The following C1QTNF7 variants were observed in gnomAD, a reference collection of about 807,000 sequenced individuals.
C1QTNF7 encodes the protein complement C1q tumor necrosis factor-related protein 7.
C1QTNF7 carries 15 observed loss-of-function variants against 19.6 expected under a neutral mutation model. That is an observed-to-expected ratio of 0.76 (90% CI 0.51 to 1.18). The LOEUF is 1.18. Ranked by LOEUF, C1QTNF7 falls within the 50% of genes most tolerant of loss-of-function variation. The probability of loss-of-function intolerance (pLI) is 0.00; values close to 1 mark genes in which losing one functional copy is unlikely to be tolerated. For missense variants in C1QTNF7, 324 were observed against 359.7 expected (o/e 0.90, Z 0.80); for synonymous variants, 142 against 137.5 (o/e 1.03, Z -0.23).
chr4:15,424,462 G>T (rs1236531191), upstream of C1QTNF7, among the ~76,000 whole-genome samples: 1 of 152,188 alleles, frequency 6.6e-6, no homozygotes, highest in Non-Finnish European at 1.5e-5. Flanking sequence ...GGGTGAAGGT[G>T]TTCCTTGGTT....
At chr4:15,369,751 C>A (rs1717654982) in intron 1 of C1QTNF7, among the ~76,000 whole-genome samples, 1 of 152,074 alleles carries the variant, frequency 6.6e-6, no homozygotes, top group African/African-American at 2.4e-5. Context: ...GAAAGAAGGC[C>A]TGTGAAGTTG....
In C1QTNF7 at chr4:15,435,806, T is replaced by C. The variant is rs1177076517; in HGVS notation, c.63T>C (p.Asn21=). The C allele has an allele frequency of 6.2e-7, 1 of 1,614,070 alleles. No homozygotes were observed. Among genetic ancestry groups the C allele is most frequent in the Non-Finnish European group, 8.5e-7 (1 of 1,180,016 alleles). Residue 21 remains asparagine, a synonymous_variant, in exon 2 of 3, where the codon AAT becomes AAC. Transcript: ENST00000444304. The part of the protein sequence containing the change: ...AICASGQPRG[N]QLKGENYSPR... ...GTGCCAGTGGACAACCCCGGGGTAA[T>C]CAGTTGAAAGGAGAGAACTACTCCC...
At chr4:15,359,672 G>A (rs886948022) in intron 1 of C1QTNF7, among the ~76,000 whole-genome samples, 2 of 152,122 alleles carry the variant, frequency 1.3e-5, no homozygotes, top group East Asian at 3.9e-4. Flanking sequence ...AGGACTACGA[G>A]ATCTTTAAAA....
At chr4:15,431,285 T>C (rs1712296035) in intron 1 of C1QTNF7, among the ~76,000 whole-genome samples, 1 of 152,130 alleles carries the variant, frequency 6.6e-6, no homozygotes, top group Admixed American at 6.6e-5. Flanking sequence ...AATACTCATA[T>C]GGAAACTAAG....
chr4:15,361,687 G>T (rs1444160524), intron 1 of C1QTNF7, among the ~76,000 whole-genome samples: 1 of 152,042 alleles, frequency 6.6e-6, no homozygotes, highest in African/African-American at 2.4e-5. Context: ...GTCTACTCTG[G>T]TTTCTTTCAT....
intron 1 of C1QTNF7, among the ~76,000 whole-genome samples, chr4:15,357,076 G>A (rs1717172596): frequency 6.7e-6 from 1 of 149,034 alleles, no homozygotes; most frequent in Non-Finnish European, 1.5e-5. Flanking sequence ...AGTTTCTTTT[G>A]CTGTGCAGAA....
At chr4:15,389,023 G>A (rs1718453873) in intron 1 of C1QTNF7, among the ~76,000 whole-genome samples, 2 of 152,208 alleles carry the variant, frequency 1.3e-5, no homozygotes, top group South Asian at 2.1e-4. Context: ...TGGGGTGCAG[G>A]AGAGGAGGTG....
intron 1 of C1QTNF7, chr4:15,340,236 C>T: frequency 6.4e-7 from 1 of 1,550,912 alleles, no homozygotes; most frequent in Non-Finnish European, 8.7e-7. Flanking sequence ...TGCAGTTTTT[C>T]TCTTTTTCCC....
intron 1 of C1QTNF7, among the ~76,000 whole-genome samples, chr4:15,398,390 T>A (rs140997858): frequency 1.3e-5 from 2 of 151,812 alleles, no homozygotes; most frequent in East Asian, 1.9e-4. Flanking sequence ...GCCCCATTGA[T>A]GTCCAAGTCC....
chr4:15,375,490 C>G (rs1362619584), intron 1 of C1QTNF7, among the ~76,000 whole-genome samples: 2 of 152,174 alleles, frequency 1.3e-5, no homozygotes, highest in Non-Finnish European at 2.9e-5. Flanking sequence ...ATAAATGATG[C>G]ATTGTACTGG....
chr4:15,424,809 T>G (rs1302272668), upstream of C1QTNF7, among the ~76,000 whole-genome samples: 1 of 152,164 alleles, frequency 6.6e-6, no homozygotes, highest in Non-Finnish European at 1.5e-5. Context: ...TTTTAACAAG[T>G]TCTAAGTCGA....
At chr4:15,394,863 G>A (rs1038235729) in intron 1 of C1QTNF7, among the ~76,000 whole-genome samples, 1 of 152,014 alleles carries the variant, frequency 6.6e-6, no homozygotes, top group Non-Finnish European at 1.5e-5. Context: ...CGGCACCCAA[G>A]GGGATTCTCA....
intron 1 of C1QTNF7, among the ~76,000 whole-genome samples, chr4:15,432,256 C>G (rs1341794405): frequency 6.6e-6 from 1 of 152,162 alleles, no homozygotes; most frequent in Non-Finnish European, 1.5e-5. Flanking sequence ...AATGAAGAAC[C>G]AAACAGCGTG....
intron 1 of C1QTNF7, among the ~76,000 whole-genome samples, chr4:15,375,770 G>T (rs745722717): frequency 6.6e-6 from 1 of 152,124 alleles, no homozygotes; most frequent in Non-Finnish European, 1.5e-5. Context: ...CACACCCTCA[G>T]CCTGGGTTGT....
In C1QTNF7 at chr4:15,442,982, C is replaced by T; in HGVS notation, c.*183C>T. 1 of 525,378 alleles carries T rather than the reference C, an allele frequency of 1.9e-6. No individual in the cohort carries two copies. The highest frequency in any genetic ancestry group is 3.2e-6 in the Non-Finnish European group (1 of 316,340). 32.5% of individuals were successfully genotyped at this position (525,378 alleles called of 1,614,324 possible). On this transcript the variant is annotated 3_prime_UTR_variant, in exon 3 of 3. Coordinates refer to ENST00000444304, the MANE Select transcript of C1QTNF7 (RefSeq NM_031911.5). ...AGTTGAAACCACAACAAAATGAATT[C>T]TATTAAAGAATAGCCCCAGATATAA...
In C1QTNF7 at chr4:15,445,631, A is replaced by G. The variant is rs1712964852; in HGVS notation, c.*2832A>G. ...AGCTGTTTTGGTATTAAACGAATAA[A>G]ATCTTAAGCAAATATAGGTGTCTTT... On this transcript the variant is annotated 3_prime_UTR_variant, in exon 3 of 3. Transcript: ENST00000444304. 6.6e-6 allele frequency: 1 copy of G among 152,204 alleles called. No individual in the cohort carries two copies. Among genetic ancestry groups the G allele is most frequent in the South Asian group, 2.1e-4 (1 of 4,830 alleles). 9.4% of individuals were successfully genotyped at this position (152,204 alleles called of 1,614,324 possible).
chr4:15,366,922 T>C (rs747987567), intron 1 of C1QTNF7, among the ~76,000 whole-genome samples: 1 of 152,108 alleles, frequency 6.6e-6, no homozygotes, highest in African/African-American at 2.4e-5. Context: ...GGGGAAAAGA[T>C]AGTGATGATT....
intron 1 of C1QTNF7, among the ~76,000 whole-genome samples, chr4:15,411,924 G>C (rs1719417184): frequency 6.6e-6 from 1 of 152,072 alleles, no homozygotes; most frequent in African/African-American, 2.4e-5. Context: ...TAGGAATGGG[G>C]TAGCACAGCA....
chr4:15,384,732 G>T (rs1718268696), intron 1 of C1QTNF7, among the ~76,000 whole-genome samples: 1 of 152,240 alleles, frequency 6.6e-6, no homozygotes, highest in South Asian at 2.1e-4. Flanking sequence ...TACTGGGCCA[G>T]ATCAGGCTCT....
Sources: allele counts gnomAD v4.1 joint callset (sites outside exome capture counted in the v4.1 genomes callset), GRCh38; gene constraint gnomAD v4.1.1; transcripts MANE v1.5; gene names NCBI Gene and HGNC (gene_info 2026-07-23, HGNC 2026-07-21).